RAD52: variants seen among roughly 807,000 people sequenced by gnomAD.
RAD52 encodes the protein RAD52 DNA repair protein.
In RAD52, 47 loss-of-function variants were observed where a neutral mutation model predicts 55.5. The ratio of observed to expected loss-of-function variants is 0.85; its 90% CI spans 0.67 to 1.08. The LOEUF (loss-of-function observed/expected upper bound fraction) is 1.08, where lower values mean the gene tolerates loss of function less well. Ranked by LOEUF, RAD52 falls within the 50% of genes least tolerant of loss-of-function variation. The probability of loss-of-function intolerance (pLI) is 0.00; values close to 1 mark genes in which losing one functional copy is unlikely to be tolerated. For missense variants in RAD52, 468 were observed against 522.8 expected, an observed-to-expected ratio of 0.90 and a Z score of 1.02; for synonymous variants, 184 against 198.9, an observed-to-expected ratio of 0.92 and a Z score of 0.63.
At chr12:970,791 T>C (rs1958836850) in intron 1 of RAD52, among the ~76,000 whole-genome samples, 1 of 152,082 alleles carries the variant, frequency 6.6e-6, no homozygotes, top group South Asian at 2.1e-4. Flanking sequence ...CCGAGCTATT[T>C]TGGGTAGGGT....
At chr12:968,228 T>C (rs1039696266) in intron 1 of RAD52, among the ~76,000 whole-genome samples, 5 of 152,130 alleles carry the variant, frequency 3.3e-5, no homozygotes, top group African/African-American at 1.2e-4. Flanking sequence ...CTGGGAGGCA[T>C]TTATCAAGAC....
intron 1 of RAD52, among the ~76,000 whole-genome samples, chr12:973,730 C>T (rs1163604753): frequency 6.6e-6 from 1 of 150,502 alleles, no homozygotes; most frequent in Non-Finnish European, 1.5e-5. Context: ...CTGCCCGCCT[C>T]GGCCTCCCAA....
intron 1 of RAD52, among the ~76,000 whole-genome samples, chr12:956,283 G>A (rs1958604759): frequency 6.6e-6 from 1 of 152,160 alleles, no homozygotes; most frequent in African/African-American, 2.4e-5. Flanking sequence ...TTCAGCCTCT[G>A]AACCTGTCGT....
chr12:937,670 C>A (rs1307950005), intron 1 of RAD52, among the ~76,000 whole-genome samples: 1 of 152,126 alleles, frequency 6.6e-6, no homozygotes, highest in African/African-American at 2.4e-5. Flanking sequence ...AGGTGATCCG[C>A]CTGCCTCATC....
chr12:936,339 C>G (rs1957628680), intron 1 of RAD52, among the ~76,000 whole-genome samples: 1 of 151,706 alleles, frequency 6.6e-6, no homozygotes, highest in Non-Finnish European at 1.5e-5. Context: ...AAAATTCAGT[C>G]TTTTATTGAA....
chr12:990,496 G>C (rs949397466), upstream of RAD52: 1 of 152,212 alleles, frequency 6.6e-6, no homozygotes. Flanking sequence ...AGCAGCGTTT[G>C]GCACAGCGCA....
chr12:937,105 G>A (rs1378013477), intron 1 of RAD52, among the ~76,000 whole-genome samples: 1 of 152,194 alleles, frequency 6.6e-6, no homozygotes, highest in African/African-American at 2.4e-5. Flanking sequence ...GTGAGATACA[G>A]AAGCTGAGGG....
Position 978,915 on chromosome 12 carries a change from T to C in RAD52, c.-19+10894A>G, listed in dbSNP as rs145343546. Among the ~76,000 whole-genome samples the C allele has an allele frequency of 4.4e-3, 662 of 151,712 alleles. 2 individuals carry two copies. Among genetic ancestry groups the C allele is most frequent in the African/African-American group, 0.016 (645 of 41,336 alleles). On this transcript the variant is annotated intron_variant, in intron 1 of 11. Transcript: ENST00000430095. ...GTAGATAGATAGATAGATAGATAGA[T>C]AGACAGACAGACAGATAGATATAGA... is the stretch of plus-strand genomic sequence containing the variant.
rs1956248245 is a variant in RAD52, at chr12:914,430, C to G, written c.967+1G>C. On this transcript the variant is annotated splice_donor_variant, in intron 10 of 11. Transcript: ENST00000358495. LOFTEE classifies it high-confidence loss of function. ...GCTTACAAGCATTTCAAGGTATTTA[C>G]TGATTAATTCTTGAGTCACTCCTGC... 6.2e-7 allele frequency: 1 copy of G among 1,613,886 alleles called. No homozygotes were observed. The highest frequency in any genetic ancestry group is 1.3e-5 in the African/African-American group (1 of 75,030).
intron 1 of RAD52, among the ~76,000 whole-genome samples, chr12:959,985 G>A (rs1161756657): frequency 2.0e-5 from 3 of 152,126 alleles, no homozygotes; most frequent in South Asian, 2.1e-4. Flanking sequence ...AAGGAGTTTC[G>A]GTAATGGGTC....
intron 8 of RAD52, 63 bp from the exon 9 acceptor site, chr12:916,546 A>G (rs1956391303): frequency 6.2e-7 from 1 of 1,603,440 alleles, no homozygotes; most frequent in East Asian, 2.2e-5. Flanking sequence ...CTGGGAGGAC[A>G]CGCACGGCTG....
In RAD52 at chr12:927,075, A is replaced by G. The variant is rs1454537806; in HGVS notation, c.467+70T>C. The G allele has an allele frequency of 8.4e-6, 13 of 1,552,454 alleles. No homozygotes were observed. In the Admixed American group the frequency reaches 8.5e-5, roughly 10 times the overall value. ...CCATGTGGATGTGTTACCTCTTCCA[A>G]AAAAAATCGAAATCTGCTCTGAAGC... is the stretch of plus-strand genomic sequence containing the variant. On this transcript the variant is annotated intron_variant, in intron 6 of 11. Transcript: ENST00000358495.
intron 1 of RAD52, among the ~76,000 whole-genome samples, chr12:939,002 G>A (rs779580740): frequency 4.0e-5 from 6 of 150,620 alleles, no homozygotes; most frequent in Non-Finnish European, 7.4e-5. Flanking sequence ...ATGCAATATT[G>A]GAGTAAAGTG....
chr12:984,489 C>T (rs139453664), intron 1 of RAD52, among the ~76,000 whole-genome samples: 176 of 152,106 alleles, frequency 1.2e-3, no homozygotes, highest in African/African-American at 4.1e-3. Context: ...TGTGAGCCAC[C>T]GTGCCTGGCC....
chr12:979,370 G>C (rs1466617401), intron 1 of RAD52, among the ~76,000 whole-genome samples: 1 of 151,952 alleles, frequency 6.6e-6, no homozygotes, highest in Non-Finnish European at 1.5e-5. Context: ...GAACCTGGGA[G>C]GTGGAGGTTG....
At chr12:950,905 T>G (rs558615036), upstream of RAD52, among the ~76,000 whole-genome samples, 8 of 152,152 alleles carry the variant, frequency 5.3e-5, no homozygotes, top group Non-Finnish European at 1.0e-4. Context: ...CCCCAGCCCC[T>G]TATTCCCCAG....
chr12:930,448 C>T (rs1160737990), intron 3 of RAD52, among the ~76,000 whole-genome samples: 4 of 151,808 alleles, frequency 2.6e-5, no homozygotes, highest in African/African-American at 7.3e-5. Context: ...ATGGAGCCCG[C>T]GAGAACGAAT....
intron 7 of RAD52, among the ~76,000 whole-genome samples, chr12:918,656 T>C (rs1956540144): frequency 6.6e-6 from 1 of 152,130 alleles, no homozygotes; most frequent in Non-Finnish European, 1.5e-5. Flanking sequence ...GCAATCCTTC[T>C]TCCTTGGCCT....
chr12:958,066 C>T (rs1958633360), intron 1 of RAD52, among the ~76,000 whole-genome samples: 1 of 152,178 alleles, frequency 6.6e-6, no homozygotes, highest in Admixed American at 6.5e-5. Flanking sequence ...GGTGCTGCTC[C>T]CAGCCCAGAG....
Sources: allele counts gnomAD v4.1 joint callset (sites outside exome capture counted in the v4.1 genomes callset), GRCh38; gene constraint gnomAD v4.1.1; transcripts MANE v1.5; gene names NCBI Gene and HGNC (gene_info 2026-07-23, HGNC 2026-07-21).